GPR158: variants seen among roughly 807,000 people sequenced by gnomAD.
The protein encoded by GPR158 is G protein-coupled receptor 158.
In GPR158, 30 loss-of-function variants were observed where a neutral mutation model predicts 78.2. That is an observed-to-expected ratio of 0.38 (90% CI 0.29 to 0.52). The LOEUF (loss-of-function observed/expected upper bound fraction) is 0.52. Among genes scored for constraint, GPR158 ranks in the 20% least tolerant of loss-of-function variants. GPR158 has a pLI of 0.83. For synonymous variants in GPR158, 581 were observed against 591.1 expected (o/e 0.98, Z 0.25); for missense variants, 1,463 against 1,523.5 (o/e 0.96, Z 0.66).
intron 5 of GPR158, among the ~76,000 whole-genome samples, chr10:25,472,663 T>G (rs1835524400): frequency 6.6e-6 from 1 of 152,228 alleles, no homozygotes; most frequent in Non-Finnish European, 1.5e-5. Context: ...TAGTTCTCCT[T>G]GAAGAGGTCC....
chr10:25,202,072 C>T (rs1267980502), intron 1 of GPR158, among the ~76,000 whole-genome samples: 2 of 152,024 alleles, frequency 1.3e-5, no homozygotes, highest in African/African-American at 4.8e-5. Context: ...TCATTTTATA[C>T]ATCTGATAGA....
intron 5 of GPR158, among the ~76,000 whole-genome samples, chr10:25,483,312 G>T (rs1254996409): frequency 1.3e-5 from 2 of 151,936 alleles, no homozygotes; most frequent in Admixed American, 6.6e-5. Flanking sequence ...GCTCTTCATT[G>T]TTCTCAAACC....
chr10:25,478,915 C>T (rs966147547), intron 5 of GPR158, among the ~76,000 whole-genome samples: 50 of 150,786 alleles, frequency 3.3e-4, no homozygotes, highest in Non-Finnish European at 6.6e-4. Context: ...TTTGTCATTG[C>T]GATAGTTTGC....
Position 25,510,731 on chromosome 10 carries a change from T to G in GPR158, c.1405-40245T>G, listed in dbSNP as rs925364109. ...TGCCACCCTTTCTGGGAATCTCCCA[T>G]TATATCATTCTTACGCCTTTGCATC... On this transcript the variant is annotated intron_variant, in intron 5 of 10. Coordinates refer to ENST00000376351, the MANE Select transcript of GPR158 (RefSeq NM_020752.3). 6.6e-5 allele frequency among the ~76,000 whole-genome samples: 10 copies of G among 152,294 alleles called. No individual in the cohort carries two copies. The South Asian group carries it at 1.7e-3, about 25-fold the overall frequency.
At chr10:25,330,451 G>C (rs1489406084) in intron 2 of GPR158, among the ~76,000 whole-genome samples, 1 of 152,154 alleles carries the variant, frequency 6.6e-6, no homozygotes, top group Non-Finnish European at 1.5e-5. Flanking sequence ...TCTTTGGATA[G>C]TTTATTAAGT....
chr10:25,488,770 T>C (rs535471976), intron 5 of GPR158, among the ~76,000 whole-genome samples: 1 of 152,258 alleles, frequency 6.6e-6, no homozygotes, highest in African/African-American at 2.4e-5. Flanking sequence ...ATTAGATGAC[T>C]ACTAAAGAGG....
intron 5 of GPR158, among the ~76,000 whole-genome samples, chr10:25,493,043 C>T (rs978916539): frequency 1.3e-5 from 2 of 152,000 alleles, no homozygotes; most frequent in Admixed American, 6.6e-5. Context: ...TGCAAAAACC[C>T]TCACATACAG....
intron 4 of GPR158, among the ~76,000 whole-genome samples, chr10:25,450,379 CG>C (rs1564458900): frequency 2.8e-5 from 2 of 71,692 alleles, no homozygotes; most frequent in Non-Finnish European, 4.6e-5. Context: ...TCCTTTTTCA[CG>C]TTTTTTTTTT....
At chr10:25,355,860 A>G (rs930580712) in intron 2 of GPR158, among the ~76,000 whole-genome samples, 6 of 152,028 alleles carry the variant, frequency 3.9e-5, no homozygotes, top group Admixed American at 2.6e-4. Flanking sequence ...CCTAAAGAAC[A>G]AACCTCCAAT....
intron 1 of GPR158, among the ~76,000 whole-genome samples, chr10:25,189,689 G>C (rs1230266186): frequency 6.6e-6 from 1 of 151,630 alleles, no homozygotes; most frequent in Non-Finnish European, 1.5e-5. Context: ...TAATGTAAAT[G>C]ATGAGTTAAT....
At chr10:25,400,558 G>A (rs1000333813) in intron 3 of GPR158, among the ~76,000 whole-genome samples, 4 of 152,316 alleles carry the variant, frequency 2.6e-5, no homozygotes, top group African/African-American at 9.6e-5. Flanking sequence ...AATCACATGT[G>A]AGTTAGCAGG....
intron 5 of GPR158, among the ~76,000 whole-genome samples, chr10:25,486,687 T>A (rs1835740219): frequency 6.6e-6 from 1 of 152,168 alleles, no homozygotes; most frequent in East Asian, 1.9e-4. Flanking sequence ...AGGATGCTGA[T>A]GCTGTTGGTC....
chr10:25,253,136 C>T, intron 2 of GPR158, among the ~76,000 whole-genome samples: 1 of 152,366 alleles, frequency 6.6e-6, no homozygotes, highest in African/African-American at 2.4e-5. Context: ...ACCCCTTGCG[C>T]TTCCCAGGTG....
intron 4 of GPR158, among the ~76,000 whole-genome samples, chr10:25,436,655 T>C (rs1835002220): frequency 6.6e-6 from 1 of 152,060 alleles, no homozygotes; most frequent in Non-Finnish European, 1.5e-5. Flanking sequence ...TGGAATAAAA[T>C]GTGGAGTGAG....
intron 4 of GPR158, among the ~76,000 whole-genome samples, chr10:25,465,724 T>C (rs2130616450): frequency 6.6e-6 from 1 of 152,328 alleles, no homozygotes; most frequent in East Asian, 1.9e-4. Flanking sequence ...TTCAAGACCT[T>C]GTGCATGTGC....
chr10:25,224,812 T>C (rs1346343618), intron 2 of GPR158, among the ~76,000 whole-genome samples: 1 of 152,180 alleles, frequency 6.6e-6, no homozygotes, highest in Non-Finnish European at 1.5e-5. Context: ...TCTTACTTGA[T>C]GTCAATTGGT....
At position 25,601,328 on chromosome 10, in the gene GPR158, C is replaced by T. The variant is rs999055841; in HGVS notation, c.*2054C>T. 2 of 152,564 alleles carry T rather than the reference C, an allele frequency of 1.3e-5. No individual in the cohort carries two copies. Among genetic ancestry groups the T allele is most frequent in the African/African-American group, 4.8e-5 (2 of 41,432 alleles). 9.5% of individuals were successfully genotyped at this position (152,564 alleles called of 1,614,324 possible). A position where few individuals can be genotyped will look rare whatever the true frequency, so the allele number is the denominator to read the frequency against. ...AGATATAGAAATTCTATTTTTGTGTCTTTACACCATTTATTTCTTTTATCT... is the reference window on the plus strand; with the variant it reads ...AGATATAGAAATTCTATTTTTGTGTTTTTACACCATTTATTTCTTTTATCT... On this transcript the variant is annotated 3_prime_UTR_variant, in exon 11 of 11. Coordinates refer to ENST00000376351, the MANE Select transcript of GPR158 (RefSeq NM_020752.3).
At chr10:25,206,470 A>C (rs1853031864) in intron 1 of GPR158, among the ~76,000 whole-genome samples, 1 of 152,208 alleles carries the variant, frequency 6.6e-6, no homozygotes, top group Non-Finnish European at 1.5e-5. Flanking sequence ...TATTATAAAA[A>C]TATTTATTCA....
At chr10:25,461,900 T>A (rs1183671061) in intron 4 of GPR158, among the ~76,000 whole-genome samples, 1 of 151,578 alleles carries the variant, frequency 6.6e-6, no homozygotes, top group East Asian at 1.9e-4. Flanking sequence ...CCCGGCTGAT[T>A]TTTTTGTATG....
Sources: allele counts gnomAD v4.1 joint callset (sites outside exome capture counted in the v4.1 genomes callset), GRCh38; gene constraint gnomAD v4.1.1; transcripts MANE v1.5; gene names NCBI Gene and HGNC (gene_info 2026-07-23, HGNC 2026-07-21).